The following EXOC4 variants were observed in gnomAD, a reference collection of about 807,000 sequenced individuals.
The protein encoded by EXOC4 is exocyst complex component 4, also known as SEC8-like 1.
In EXOC4, 71 loss-of-function variants were observed where a neutral mutation model predicts 107.2. The observed-to-expected ratio is 0.66, with a 90% CI of 0.55 to 0.81. EXOC4 has a LOEUF of 0.81. EXOC4 is among the 30% of genes least tolerant of loss of function. EXOC4 has a pLI of 0.00. For synonymous variants in EXOC4, 456 were observed against 441.2 expected (o/e 1.03, Z -0.42); for missense variants, 1,108 against 1,189.6 (o/e 0.93, Z 1.01).
At position 133,795,534 on chromosome 7, in the gene EXOC4, T is replaced by C. The variant is rs1428689772; in HGVS notation, c.1515-21791T>C. ...TATGCAAAGGACCTGGTGAGGAAAC[T>C]GAAGCCTAGGGCTACCCAGTTATGA... On this transcript the variant is annotated intron_variant, in intron 10 of 17. Transcript: ENST00000253861. Among the ~76,000 whole-genome samples, 5 of 152,202 alleles carry C rather than the reference T, an allele frequency of 3.3e-5. No homozygotes were observed. The East Asian group carries it at 7.7e-4, about 23-fold the overall frequency.
At chr7:133,637,564 A>G (rs1054418619) in intron 10 of EXOC4, among the ~76,000 whole-genome samples, 2 of 151,090 alleles carry the variant, frequency 1.3e-5, no homozygotes, top group Non-Finnish European at 1.5e-5. Flanking sequence ...TTATTCATGC[A>G]TGGGAGGAAA....
At chr7:133,541,045 A>C (rs1800369796) in intron 9 of EXOC4, among the ~76,000 whole-genome samples, 1 of 152,148 alleles carries the variant, frequency 6.6e-6, no homozygotes, top group Non-Finnish European at 1.5e-5. Context: ...ACATCTGAAT[A>C]TTTATGTCTA....
chr7:133,583,764 T>A (rs1801333231), intron 9 of EXOC4, among the ~76,000 whole-genome samples: 1 of 152,190 alleles, frequency 6.6e-6, no homozygotes, highest in Admixed American at 6.5e-5. Flanking sequence ...ACCATTATCC[T>A]GAAGGCAGAG....
At chr7:133,522,784 T>C (rs1347724237) in intron 9 of EXOC4, among the ~76,000 whole-genome samples, 1 of 152,146 alleles carries the variant, frequency 6.6e-6, no homozygotes, top group Admixed American at 6.5e-5. Context: ...AAATATCCCT[T>C]TGAAAGATCT....
rs1177627198 is a variant in EXOC4 at position 133,661,672 on chromosome 7, TAAAA to T, written c.1514+31544_1514+31547del. On this transcript the variant is annotated intron_variant, in intron 10 of 17. Transcript: ENST00000253861. ...TGTTAAATTCTCCACTCCTTAAAAC[TAAAA>T]AAAAAAAAAAAACAAAAAAAAAAAA... Among the ~76,000 whole-genome samples the T allele has an allele frequency of 5.9e-4, 8 of 13,462 alleles. No individual in the cohort carries two copies. In the South Asian group the frequency reaches 0.016, roughly 27 times the overall value. 8.8% of individuals were successfully genotyped at this position (13,462 alleles called of 152,430 possible).
chr7:133,694,122 G>A (rs1794480169), intron 10 of EXOC4, among the ~76,000 whole-genome samples: 1 of 152,022 alleles, frequency 6.6e-6, no homozygotes, highest in African/African-American at 2.4e-5. Flanking sequence ...AAATTAGCTG[G>A]GCGTTGTGTG....
rs1491525649 is a variant in EXOC4 at position 133,857,148 on chromosome 7, G to GTGTA, written c.1735-38450_1735-38449insGTAT. ...TATGTATATATATATACACATACAC[G>GTGTA]TATATATATATATATATATATATAT... On this transcript the variant is annotated intron_variant, in intron 11 of 17. Transcript: ENST00000253861. Among the ~76,000 whole-genome samples the GTGTA allele has an allele frequency of 1.9e-4, 4 of 20,708 alleles. 1 individual carries two copies. Among genetic ancestry groups the GTGTA allele is most frequent in the African/African-American group, 6.8e-4 (3 of 4,420 alleles). The allele number at this position is 20,708 out of a possible 152,430, so 13.6% of individuals were successfully genotyped here.
chr7:133,998,424 A>G lies in EXOC4; in HGVS notation c.2348+791A>G, dbSNP rs548730030. On this transcript the variant is annotated intron_variant, in intron 15 of 17. Transcript: ENST00000253861. The stretch of plus-strand genomic sequence containing the variant: ...ATAAAATGGTCAGAAGAAATGTGAC[A>G]AAGTAACAAGAATGATCAGTCTGTA... 5.8e-4 allele frequency among the ~76,000 whole-genome samples: 88 copies of G among 152,342 alleles called. 1 individual carries two copies. The highest frequency in any genetic ancestry group is 1.6e-3 in the Admixed American group (24 of 15,298).
intron 5 of EXOC4, among the ~76,000 whole-genome samples, chr7:133,319,833 G>A (rs1241113682): frequency 1.5e-5 from 2 of 135,872 alleles, no homozygotes; most frequent in African/African-American, 2.8e-5. Context: ...AGACTTGATC[G>A]TGTGCTTTTT....
At chr7:133,839,076 A>G (rs1465946164) in intron 11 of EXOC4, among the ~76,000 whole-genome samples, 1 of 152,240 alleles carries the variant, frequency 6.6e-6, no homozygotes, top group Non-Finnish European at 1.5e-5. Context: ...TATGCAAGAA[A>G]AATTTTAAGT....
chr7:133,478,743 C>T (rs561519468), intron 8 of EXOC4, among the ~76,000 whole-genome samples: 8 of 152,232 alleles, frequency 5.3e-5, no homozygotes, highest in Non-Finnish European at 1.2e-4. Flanking sequence ...CTATGTGTGC[C>T]TCTCTATTCT....
intron 9 of EXOC4, among the ~76,000 whole-genome samples, chr7:133,532,714 A>T (rs556260917): frequency 6.6e-6 from 1 of 152,166 alleles, no homozygotes; most frequent in African/African-American, 2.4e-5. Context: ...TAAATAAATT[A>T]TTTATTCCAA....
intron 2 of EXOC4, among the ~76,000 whole-genome samples, chr7:133,282,244 CCT>C (rs1794174561): frequency 2.0e-5 from 3 of 152,238 alleles, no homozygotes; most frequent in East Asian, 1.9e-4. Context: ...CCTCTTGGGC[CCT>C]GTTTTCTTTC....
At chr7:134,026,338 G>A (rs1795136531) in intron 17 of EXOC4, among the ~76,000 whole-genome samples, 1 of 151,534 alleles carries the variant, frequency 6.6e-6, no homozygotes, top group African/African-American at 2.4e-5. Context: ...CAGAATCCAC[G>A]GAAGGACTCT....
intron 10 of EXOC4, among the ~76,000 whole-genome samples, chr7:133,724,984 A>G (rs970877180): frequency 1.3e-4 from 20 of 152,322 alleles, no homozygotes; most frequent in Non-Finnish European, 2.8e-4. Flanking sequence ...TTAAAAAGCT[A>G]TTGGAAGGTT....
At chr7:134,049,624 T>TA (rs1193874592) in intron 17 of EXOC4, among the ~76,000 whole-genome samples, 1 of 152,198 alleles carries the variant, frequency 6.6e-6, no homozygotes, top group Non-Finnish European at 1.5e-5. Flanking sequence ...CCTGTGATCT[T>TA]AGAGAATCTC....
At chr7:133,318,116 C>T (rs951992717) in intron 5 of EXOC4, among the ~76,000 whole-genome samples, 1 of 152,224 alleles carries the variant, frequency 6.6e-6, no homozygotes, top group African/African-American at 2.4e-5. Context: ...TGTGTGACCT[C>T]TGTCCTATGC....
At chr7:133,683,003 A>G (rs1272313993) in intron 10 of EXOC4, among the ~76,000 whole-genome samples, 2 of 152,152 alleles carry the variant, frequency 1.3e-5, no homozygotes, top group Non-Finnish European at 2.9e-5. Flanking sequence ...AGATGTTGTC[A>G]TTCTGTGAAA....
intron 3 of EXOC4, among the ~76,000 whole-genome samples, chr7:133,304,767 G>A (rs143342048): frequency 1.8e-4 from 27 of 152,252 alleles, no homozygotes; most frequent in African/African-American, 6.3e-4. Flanking sequence ...GAGCGTGTTT[G>A]TATCCATAAT....
Sources: allele counts gnomAD v4.1 joint callset (sites outside exome capture counted in the v4.1 genomes callset), GRCh38; gene constraint gnomAD v4.1.1; transcripts MANE v1.5; gene names NCBI Gene and HGNC (gene_info 2026-07-23, HGNC 2026-07-21).